The following SNX29 variants were observed in gnomAD, a reference collection of about 807,000 sequenced individuals.
SNX29 encodes the protein sorting nexin 29, also known as sorting nexin-29.
Under a neutral mutation model 102.1 loss-of-function variants are expected in SNX29, and 78 were observed. The ratio of observed to expected loss-of-function variants is 0.76; its 90% CI spans 0.64 to 0.92. The LOEUF is 0.92. Ranked by LOEUF, SNX29 falls within the 40% of genes least tolerant of loss-of-function variation. The pLI, the probability that SNX29 is intolerant of heterozygous loss-of-function variation, is 0.00. For synonymous variants in SNX29, 580 were observed against 414.5 expected (o/e 1.40, Z -4.85); for missense variants, 1,280 against 1,061.7 (o/e 1.21, Z -2.86).
intron 18 of SNX29, among the ~76,000 whole-genome samples, chr16:12,455,558 G>T (rs1312720914): frequency 1.3e-5 from 2 of 152,200 alleles, no homozygotes; most frequent in East Asian, 3.9e-4. Context: ...TGGATCCCGG[G>T]ACCTACCTGT....
intron 20 of SNX29, among the ~76,000 whole-genome samples, chr16:12,563,341 C>T (rs1235068183): frequency 1.3e-5 from 2 of 152,170 alleles, no homozygotes; most frequent in African/African-American, 2.4e-5. Flanking sequence ...GAGGAGTGGC[C>T]ATTATCCTGA....
intron 13 of SNX29, among the ~76,000 whole-genome samples, chr16:12,198,186 T>C (rs1303972104): frequency 6.6e-6 from 1 of 152,156 alleles, no homozygotes; most frequent in Non-Finnish European, 1.5e-5. Context: ...CTGAAAGGTA[T>C]ATACTAGGTT....
intron 20 of SNX29, among the ~76,000 whole-genome samples, chr16:12,567,731 T>G (rs1354868502): frequency 6.6e-6 from 1 of 152,108 alleles, no homozygotes; most frequent in Non-Finnish European, 1.5e-5. Flanking sequence ...GATTGCACTG[T>G]AAAACCTGGG....
intron 15 of SNX29, among the ~76,000 whole-genome samples, chr16:12,304,029 C>A (rs1201306066): frequency 6.6e-6 from 1 of 152,196 alleles, no homozygotes; most frequent in Non-Finnish European, 1.5e-5. Context: ...TCTGTTAACA[C>A]ATTGGTAAGG....
intron 13 of SNX29, among the ~76,000 whole-genome samples, chr16:12,147,051 A>G (rs1468310190): frequency 6.6e-6 from 1 of 152,250 alleles, no homozygotes; most frequent in East Asian, 1.9e-4. Flanking sequence ...GAATCCAATC[A>G]AAGACTCAGG....
In SNX29 at chr16:12,428,243, T is replaced by C. The variant is rs527549788; in HGVS notation, c.2037+24714T>C. 2.0e-5 allele frequency among the ~76,000 whole-genome samples: 3 copies of C among 152,296 alleles called. No homozygotes were observed. In the South Asian group the frequency reaches 6.2e-4, roughly 32 times the overall value. On this transcript the variant is annotated intron_variant, in intron 18 of 20. Coordinates refer to ENST00000566228, the MANE Select transcript of SNX29 (RefSeq NM_032167.5). ...AAGCTGCATTTGGACTGCAAATAAGTTTAGTATAAAATGTAATTATTCTCC... is the reference window on the plus strand; with the variant it reads ...AAGCTGCATTTGGACTGCAAATAAGCTTAGTATAAAATGTAATTATTCTCC...
At chr16:12,398,827 G>A (rs1273209133) in intron 17 of SNX29, among the ~76,000 whole-genome samples, 2 of 151,096 alleles carry the variant, frequency 1.3e-5, no homozygotes, top group Non-Finnish European at 2.9e-5. Context: ...GTCTGCTGGA[G>A]CTGAGTAAAA....
At chr16:12,030,188 T>A (rs569533251) in intron 4 of SNX29, among the ~76,000 whole-genome samples, 1 of 152,308 alleles carries the variant, frequency 6.6e-6, no homozygotes, top group East Asian at 1.9e-4. Context: ...ATATTATTCA[T>A]CCTTGGATTC....
At chr16:12,035,582 A>C (rs2057451641) in intron 4 of SNX29, among the ~76,000 whole-genome samples, 1 of 152,054 alleles carries the variant, frequency 6.6e-6, no homozygotes, top group Non-Finnish European at 1.5e-5. Flanking sequence ...TTGGGATGTG[A>C]CAGATTTGGG....
At chr16:12,377,473 G>A (rs766730931) in intron 16 of SNX29, among the ~76,000 whole-genome samples, 2 of 152,164 alleles carry the variant, frequency 1.3e-5, no homozygotes, top group South Asian at 4.2e-4. Context: ...GGTAAAGCAA[G>A]TTCCACAGAC....
At chr16:12,447,555 CAG>C (rs1247728999) in intron 18 of SNX29, among the ~76,000 whole-genome samples, 1 of 152,194 alleles carries the variant, frequency 6.6e-6, no homozygotes, top group Non-Finnish European at 1.5e-5. Context: ...GGGAAGAAGA[CAG>C]TGTAAACCAG....
intron 16 of SNX29, among the ~76,000 whole-genome samples, chr16:12,381,980 AT>A: frequency 6.6e-6 from 1 of 151,764 alleles, no homozygotes; most frequent in African/African-American, 2.4e-5. Context: ...GTGCAAATGA[AT>A]TTAGAAAATG....
In SNX29 at chr16:12,255,669, T is replaced by C. The variant is rs181839440; in HGVS notation, c.1679-22264T>C. Among the ~76,000 whole-genome samples, 417 of 152,338 alleles carry C rather than the reference T, an allele frequency of 2.7e-3. 6 individuals carry two copies. Among genetic ancestry groups the C allele is most frequent in the African/African-American group, 9.2e-3 (383 of 41,574 alleles). ...GCCTGGTTGAGTTCACTTAGCATAA[T>C]ATCCTCCACGTTTATCCGTGTCATC... On this transcript the variant is annotated intron_variant, in intron 14 of 20. Transcript: ENST00000566228.
chr16:12,354,504 C>A (rs1306311773), intron 15 of SNX29, among the ~76,000 whole-genome samples: 13 of 152,198 alleles, frequency 8.5e-5, no homozygotes, highest in Admixed American at 6.5e-4. Flanking sequence ...AACACTCTGG[C>A]TCCCACTGCA....
intron 18 of SNX29, among the ~76,000 whole-genome samples, chr16:12,459,089 C>T (rs1363047351): frequency 7.9e-6 from 1 of 126,814 alleles, no homozygotes; most frequent in Non-Finnish European, 1.7e-5. Context: ...TCCACTCCCC[C>T]CTCCTCCCAC....
At chr16:12,019,591 T>TATATAGATAG (rs1555520334) in intron 3 of SNX29, among the ~76,000 whole-genome samples, 10 of 142,766 alleles carry the variant, frequency 7.0e-5, no homozygotes, top group African/African-American at 2.7e-4. Context: ...AATATATATA[T>TATATAGATAG]ATAGATAGAT....
chr16:12,352,382 G>C (rs894515328), intron 15 of SNX29, among the ~76,000 whole-genome samples: 1 of 152,080 alleles, frequency 6.6e-6, no homozygotes, highest in Non-Finnish European at 1.5e-5. Context: ...GGGGGAAGGG[G>C]GGAGGGATAG....
At chr16:12,332,574 G>T (rs1165534309) in intron 15 of SNX29, among the ~76,000 whole-genome samples, 3 of 152,178 alleles carry the variant, frequency 2.0e-5, no homozygotes, top group Admixed American at 6.5e-5. Flanking sequence ...ACCCAGTGCT[G>T]CATGGTGGAG....
intron 18 of SNX29, among the ~76,000 whole-genome samples, chr16:12,429,162 A>C (rs1039645617): frequency 6.6e-6 from 1 of 152,234 alleles, no homozygotes; most frequent in African/African-American, 2.4e-5. Flanking sequence ...TGCAATTAAT[A>C]TCTCTTCCTA....
Sources: allele counts gnomAD v4.1 joint callset (sites outside exome capture counted in the v4.1 genomes callset), GRCh38; gene constraint gnomAD v4.1.1; transcripts MANE v1.5; gene names NCBI Gene and HGNC (gene_info 2026-07-23, HGNC 2026-07-21).